The following TNRC18 variants were observed in gnomAD, a reference collection of about 807,000 sequenced individuals.
TNRC18 encodes the protein trinucleotide repeat-containing gene 18 protein.
A neutral mutation model predicts 226.7 loss-of-function variants in TNRC18; 69 were observed. The observed-to-expected ratio is 0.30, with a 90% CI of 0.25 to 0.37. The LOEUF is 0.37. Ranked by LOEUF, TNRC18 falls within the 10% of genes least tolerant of loss-of-function variation. The probability of loss-of-function intolerance (pLI) is 1.00; values close to 1 mark genes in which losing one functional copy is unlikely to be tolerated. For synonymous variants in TNRC18, 2,449 were observed against 1,927.6 expected, an observed-to-expected ratio of 1.27 and a Z score of -7.09; for missense variants, 4,754 against 4,256.6, an observed-to-expected ratio of 1.12 and a Z score of -3.25.
At chr7:5,335,487 G>C (rs10259740) in intron 18 of TNRC18, among the ~76,000 whole-genome samples, 5,637 of 151,188 alleles carry the variant, frequency 0.037, 327 homozygotes, top group African/African-American at 0.13. Flanking sequence ...GGGCACTGTA[G>C]TCCCAGCTAC....
intron 15 of TNRC18, among the ~76,000 whole-genome samples, chr7:5,357,549 G>A (rs1417671485): frequency 2.0e-5 from 3 of 152,142 alleles, no homozygotes; most frequent in Non-Finnish European, 1.5e-5. Context: ...CTAGCTGGGA[G>A]TCGCAAGTCA....
In TNRC18 at chr7:5,370,476, G is replaced by A; in HGVS notation, c.4118C>T (p.Ala1373Val). Residue 1373 changes from alanine (A) to valine (V), a missense_variant, in exon 11 of 30, where the codon GCA becomes GTA. Physicochemically the swap from Ala to Val is moderately conservative, Grantham distance 64. Coordinates refer to ENST00000430969, the MANE Select transcript of TNRC18 (RefSeq NM_001080495.3). Reference sequence around the variant, plus strand: ...CTGCTCCAAGACAAGGCTCTCGGCTGCTTCCAGCTTCTCCAAGGCCTGGGC... The same window carrying A: ...CTGCTCCAAGACAAGGCTCTCGGCTACTTCCAGCTTCTCCAAGGCCTGGGC... ...AGAQALEKLE[A>V]AESLVLEQSF... is the part of the protein sequence containing the mutation. The A allele has an allele frequency of 6.3e-7, 1 of 1,584,732 alleles. No individual in the cohort carries two copies. The highest frequency in any genetic ancestry group is 1.1e-5 in the South Asian group (1 of 87,226).
chr7:5,377,277 G>A lies in TNRC18; in HGVS notation c.2461+94C>T, dbSNP rs867889757. The A allele has an allele frequency of 2.4e-4, 323 of 1,327,438 alleles. 1 individual carries two copies. The highest frequency in any genetic ancestry group is 1.6e-3 in the Middle Eastern group (6 of 3,648). 82.2% of individuals were successfully genotyped at this position (1,327,438 alleles called of 1,614,324 possible). A position where few individuals can be genotyped will look rare whatever the true frequency, so the allele number is the denominator to read the frequency against. On this transcript the variant is annotated intron_variant, in intron 7 of 29. Coordinates refer to ENST00000430969, the MANE Select transcript of TNRC18 (RefSeq NM_001080495.3). The surrounding 1 kb of genome is among the most constrained non-coding windows in gnomAD (Gnocchi z 5.8). ...GGCAGGCCCAGGCCCCCCAGGAAAC[G>A]GCAGGCAGGAGCCAGCCCTGAGCTC...
chr7:5,351,755 G>A (rs1791838317), intron 17 of TNRC18, 64 bp downstream of exon 17: 10 of 1,476,716 alleles, frequency 6.8e-6, no homozygotes, highest in Admixed American at 5.1e-5. Flanking sequence ...CTTCCCTCTC[G>A]CTCACTCGCA....
At position 5,324,349 on chromosome 7, in the gene TNRC18, C is replaced by A. The variant is rs1134565; in HGVS notation, c.6307G>T (p.Gly2103Cys). The change falls in exon 21 of 30, where the codon GGC (glycine) becomes TGC (cysteine). Residue 2103 changes from glycine (G) to cysteine (C), a missense_variant. Physicochemically the swap from Gly to Cys is radical, Grantham distance 159. Transcript: ENST00000430969. The surrounding 1 kb of genome is among the most constrained non-coding windows in gnomAD (Gnocchi z 4.8). Reference sequence around the variant, plus strand: ...AGCTTGCTCACGGCACCCCCCTTGCCGCGGTTCTGGGGACAGAACATGGCC... The same window carrying A: ...AGCTTGCTCACGGCACCCCCCTTGCAGCGGTTCTGGGGACAGAACATGGCC... Reference protein sequence around the residue: ...KGKEVKKENRGKGGAVSKLME... With the variant: ...KGKEVKKENRCKGGAVSKLME... 1.1e-5 allele frequency: 18 copies of A among 1,613,428 alleles called. No homozygotes were observed. Among genetic ancestry groups the A allele is most frequent in the Middle Eastern group, 1.7e-4 (1 of 6,030 alleles).
In TNRC18 at chr7:5,373,852, C is replaced by T. The variant is rs147164467; in HGVS notation, c.3229+203G>A. On this transcript the variant is annotated intron_variant, in intron 10 of 29. Transcript: ENST00000430969. ...ATTACACCCATTTCCCTGACACTGCCGCTGAGGAGGGGCCGGGGAGAGGCT... is the reference window on the plus strand; with the variant it reads ...ATTACACCCATTTCCCTGACACTGCTGCTGAGGAGGGGCCGGGGAGAGGCT... 8.1e-3 allele frequency among the ~76,000 whole-genome samples: 1,233 copies of T among 152,084 alleles called. 8 individuals are homozygous for T. The highest frequency in any genetic ancestry group is 0.024 in the Middle Eastern group (7 of 294).
intron 11 of TNRC18, among the ~76,000 whole-genome samples, chr7:5,363,787 T>C (rs550327530): frequency 1.3e-5 from 2 of 152,036 alleles, no homozygotes; most frequent in African/African-American, 4.8e-5. Flanking sequence ...CATTTTTCCA[T>C]AGTGAATATG....
At position 5,377,922 on chromosome 7, in the gene TNRC18, C is replaced by G; in HGVS notation, c.2255G>C (p.Arg752Thr). ...RLDRDQEKLL[R>T]ESKELADLAR... The stretch of plus-strand genomic sequence containing the variant: ...CCTCAGGATCCCCCGACACCCTCAC[C>G]TGAGCAGCTTCTCCTGATCCCGGTC... The change falls in exon 6 of 30, where the codon AGA becomes ACA. Residue 752 changes from arginine (R) to threonine (T), a missense_variant and splice_region_variant. By Grantham distance (71) the Arg-to-Thr change is moderately conservative. Transcript: ENST00000430969. The surrounding 1 kb of genome is among the most constrained non-coding windows in gnomAD (Gnocchi z 5.8). 1 of 1,613,700 alleles carries G rather than the reference C, an allele frequency of 6.2e-7. No individual in the cohort carries two copies. The highest frequency in any genetic ancestry group is 8.5e-7 in the Non-Finnish European group (1 of 1,179,786).
At position 5,312,929 on chromosome 7, in the gene TNRC18, AGAGGAGGAG is replaced by A. The variant is rs764497304; in HGVS notation, c.7953_7961del (p.Ser2669_Ser2671del). Reference sequence around the variant, plus strand: ...AGGAGGAGGAGGATGAGGACGAGGAAGAGGAGGAGGAGGAAGAGGAGGAAGACGAAGAGG... The same window carrying A: ...AGGAGGAGGAGGATGAGGACGAGGAAGAGGAAGAGGAGGAAGACGAAGAGG... On this transcript the variant is annotated inframe_deletion, in exon 27 of 30. Coordinates refer to ENST00000430969, the MANE Select transcript of TNRC18 (RefSeq NM_001080495.3). The surrounding 1 kb of genome is among the most constrained non-coding windows in gnomAD (Gnocchi z 6.3). 1.4e-6 allele frequency: 2 copies of A among 1,422,446 alleles called. No homozygotes were observed. The highest frequency in any genetic ancestry group is 3.0e-5 in the African/African-American group (2 of 67,770). 88.1% of individuals were successfully genotyped at this position (1,422,446 alleles called of 1,614,324 possible). A position where few individuals can be genotyped will look rare whatever the true frequency, so the allele number is the denominator to read the frequency against.
At chr7:5,420,999 C>T in intron 2 of TNRC18, 61 bp downstream of exon 2, 1 of 1,542,984 alleles carries the variant, frequency 6.5e-7, no homozygotes. Flanking sequence ...CACAGGAGGA[C>T]CCGGCCGAGT....
At chr7:5,378,372 G>A (rs999926084) in intron 5 of TNRC18, among the ~76,000 whole-genome samples, 13 of 152,050 alleles carry the variant, frequency 8.5e-5, no homozygotes, top group Admixed American at 7.2e-4. Flanking sequence ...GAAACGTGAG[G>A]CCGGGTGCAC....
intron 16 of TNRC18, among the ~76,000 whole-genome samples, chr7:5,356,422 A>G (rs1203790888): frequency 6.6e-6 from 1 of 151,960 alleles, no homozygotes; most frequent in Admixed American, 6.6e-5. Flanking sequence ...GGCGCTCCAT[A>G]AACACTGCTT....
intron 2 of TNRC18, among the ~76,000 whole-genome samples, chr7:5,406,888 GA>G (rs1413411429): frequency 1.3e-5 from 2 of 151,618 alleles, no homozygotes; most frequent in Non-Finnish European, 2.9e-5. Context: ...AAAAAGAAAA[GA>G]AAAGAAGAGC....
chr7:5,356,215 G>T (rs572815684), intron 16 of TNRC18, among the ~76,000 whole-genome samples: 3 of 151,472 alleles, frequency 2.0e-5, no homozygotes, highest in African/African-American at 7.3e-5. Context: ...AGCCATGATG[G>T]CAGCAGGTTC....
intron 10 of TNRC18, 25 bp downstream of exon 10, chr7:5,374,028 ACC>A: frequency 2.0e-6 from 3 of 1,502,354 alleles, no homozygotes; most frequent in Non-Finnish European, 2.7e-6. Context: ...GCAGAGTGAG[ACC>A]CTGAGGGTCT....
At position 5,324,095 on chromosome 7, in the gene TNRC18, C is replaced by A; in HGVS notation, c.6442+119G>T. 8.6e-7 allele frequency: 1 copy of A among 1,160,824 alleles called. No individual in the cohort carries two copies. Among genetic ancestry groups the A allele is most frequent in the Non-Finnish European group, 1.2e-6 (1 of 838,616 alleles). The allele number at this position is 1,160,824 out of a possible 1,614,324, so 71.9% of individuals were successfully genotyped here. On this transcript the variant is annotated intron_variant, in intron 21 of 29. Transcript: ENST00000430969. This position sits in a 1 kb window ranked among gnomAD's most constrained non-coding sequence, Gnocchi z 4.8. The stretch of plus-strand genomic sequence containing the variant: ...TAACTCAGCCTCAGGATCTCTGCTC[C>A]TGTGGTTCCCTGCCCCCAGCTAGCC...
rs61332709 is a variant in TNRC18 at position 5,371,273 on chromosome 7, C to A, written c.3321G>T (p.Ala1107=). The change falls in exon 11 of 30, where the codon GCG becomes GCT. Residue 1107 remains alanine, a synonymous_variant. Coordinates refer to ENST00000430969, the MANE Select transcript of TNRC18 (RefSeq NM_001080495.3). ...GCGGCACATCAGGGGCCAAGCCGTC[C>A]GCGTCGGCGGCGGCCGTGGGCTGCA... ...FLLQPTAAAD[A]DGLAPDVPLP... 6 of 1,590,026 alleles carry A rather than the reference C, an allele frequency of 3.8e-6. No individual in the cohort carries two copies. In the African/African-American group the frequency reaches 8.1e-5, roughly 21 times the overall value.
chr7:5,389,401 G>T (rs1475648537), intron 4 of TNRC18, 65 bp from the exon 5 acceptor site: 2 of 1,221,386 alleles, frequency 1.6e-6, no homozygotes, highest in East Asian at 3.3e-5. Flanking sequence ...TGCCTGGGCG[G>T]AGGCGGACCC....
intron 10 of TNRC18, among the ~76,000 whole-genome samples, chr7:5,373,233 AG>A (rs1253379827): frequency 1.3e-5 from 2 of 152,120 alleles, no homozygotes; most frequent in Non-Finnish European, 2.9e-5. Context: ...CTGAAACAGG[AG>A]GATCGCTCGA....
Sources: gnomAD v4.1 joint callset for allele counts (sites outside exome capture counted in the v4.1 genomes callset) on GRCh38, gnomAD v4.1.1 for gene constraint, Gnocchi (gnomAD v3.1) non-coding constraint, MANE v1.5 for transcripts, NCBI Gene and HGNC (gene_info 2026-07-23, HGNC 2026-07-21) for gene names.